COL5A2: variants seen among roughly 807,000 people sequenced by gnomAD.
The protein encoded by COL5A2 is collagen alpha-2(V) chain.
COL5A2 carries 23 observed loss-of-function variants against 208.2 expected under a neutral mutation model. That is an observed-to-expected ratio of 0.11 (90% confidence interval 0.08 to 0.16). The LOEUF (loss-of-function observed/expected upper bound fraction) is 0.16. COL5A2 is among the 10% of genes least tolerant of loss of function. The probability of loss-of-function intolerance (pLI) is 1.00; values close to 1 mark genes in which losing one functional copy is unlikely to be tolerated. For missense variants in COL5A2, 1,590 were observed against 1,956.4 expected, an observed-to-expected ratio of 0.81 and a Z score of 3.53; for synonymous variants, 625 against 628.5, an observed-to-expected ratio of 0.99 and a Z score of 0.08.
chr2:189,199,194 G>A (rs1452071486), intron 1 of COL5A2, among the ~76,000 whole-genome samples: 3 of 152,184 alleles, frequency 2.0e-5, no homozygotes, highest in South Asian at 4.1e-4. Flanking sequence ...GTCAGTATAT[G>A]ATCAAAAAGC....
At chr2:189,231,606 C>A in the COL5A2 span, among the ~76,000 whole-genome samples, 1 of 151,556 alleles carries the variant, frequency 6.6e-6, no homozygotes, top group East Asian at 1.9e-4. Flanking sequence ...GCTTGAGTAT[C>A]TTTTTTGTCT....
the COL5A2 span, among the ~76,000 whole-genome samples, chr2:189,379,253 T>A: frequency 6.6e-6 from 1 of 151,966 alleles, no homozygotes; most frequent in Non-Finnish European, 1.5e-5. Flanking sequence ...ACTTTTGATT[T>A]AAAAAAAATG....
chr2:189,252,984 G>C, the COL5A2 span, among the ~76,000 whole-genome samples: 1 of 152,150 alleles, frequency 6.6e-6, no homozygotes, highest in Non-Finnish European at 1.5e-5. Context: ...TGTTCATAAA[G>C]ACAACTGAAC....
chr2:189,174,108 C>T (rs919664441), intron 1 of COL5A2, among the ~76,000 whole-genome samples: 10 of 152,204 alleles, frequency 6.6e-5, no homozygotes, highest in East Asian at 1.9e-4. Context: ...TAGATTAACA[C>T]GATTCCAATC....
chr2:189,036,623 C>T lies in COL5A2; in HGVS notation c.4106G>A (p.Gly1369Glu), dbSNP rs759631023. Residue 1369 changes from glycine (G) to glutamate (E), a missense_variant, in exon 52 of 54, where the codon GGG (glycine) becomes GAG (glutamate). Coordinates refer to ENST00000374866, the MANE Select transcript of COL5A2 (RefSeq NM_000393.5). ...PVWYGLDMNR[G>E]SQFAYGDHQS... ...GTAAACATATTAAATTACCTGAGAC[C>T]CTCTGTTCATATCAAGACCATACCA... 4 of 1,611,398 alleles carry T rather than the reference C, an allele frequency of 2.5e-6. No homozygotes were observed. The highest frequency in any genetic ancestry group is 3.4e-6 in the Non-Finnish European group (4 of 1,177,958).
At chr2:189,043,089 G>T in intron 48 of COL5A2, 62 bp downstream of exon 48, 1 of 1,166,726 alleles carries the variant, frequency 8.6e-7, no homozygotes, top group Non-Finnish European at 1.3e-6. Context: ...ATAAATGTTC[G>T]TGTCAAGATA....
At chr2:189,229,927 A>T (rs1689460154), upstream of COL5A2, among the ~76,000 whole-genome samples, 1 of 151,842 alleles carries the variant, frequency 6.6e-6, no homozygotes, top group African/African-American at 2.4e-5. Flanking sequence ...TTTAAAACAA[A>T]TCGGCTGTAT....
chr2:189,321,372 A>T, the COL5A2 span, among the ~76,000 whole-genome samples: 2 of 152,252 alleles, frequency 1.3e-5, no homozygotes, highest in Non-Finnish European at 2.9e-5. Context: ...ACAGACTGGA[A>T]AATTGGATAA....
chr2:189,329,801 A>T, the COL5A2 span, among the ~76,000 whole-genome samples: 1 of 152,166 alleles, frequency 6.6e-6, no homozygotes, highest in African/African-American at 2.4e-5. Flanking sequence ...CAAACAAAAA[A>T]CTTCAAAAGT....
chr2:189,166,127 A>G (rs1559133345), intron 1 of COL5A2, among the ~76,000 whole-genome samples: 1 of 152,090 alleles, frequency 6.6e-6, no homozygotes, highest in African/African-American at 2.4e-5. Context: ...GGAGCCTTAC[A>G]TTTTAGGCAT....
chr2:189,326,096 C>CA, the COL5A2 span, among the ~76,000 whole-genome samples: 194 of 96,786 alleles, frequency 2.0e-3, 2 homozygotes, highest in African/African-American at 6.4e-3. Flanking sequence ...GACCCTGTCT[C>CA]AAAAAAAAAA....
the COL5A2 span, among the ~76,000 whole-genome samples, chr2:189,289,220 T>C: frequency 1.3e-5 from 2 of 151,790 alleles, no homozygotes; most frequent in Non-Finnish European, 2.9e-5. Context: ...CGTACACCTG[T>C]AATCCCAGCT....
intron 1 of COL5A2, among the ~76,000 whole-genome samples, chr2:189,206,878 T>A (rs2105863236): frequency 6.6e-6 from 1 of 152,354 alleles, no homozygotes; most frequent in South Asian, 2.1e-4. Context: ...AACTGAATTT[T>A]GAGCAGTGAT....
At chr2:189,330,489 A>G in the COL5A2 span, among the ~76,000 whole-genome samples, 1 of 152,188 alleles carries the variant, frequency 6.6e-6, no homozygotes, top group Non-Finnish European at 1.5e-5. Context: ...AATAATATAT[A>G]TCTATCTTCT....
At chr2:189,252,907 G>C in the COL5A2 span, among the ~76,000 whole-genome samples, 1 of 152,180 alleles carries the variant, frequency 6.6e-6, no homozygotes, top group African/African-American at 2.4e-5. Flanking sequence ...TGATGGGACT[G>C]TGAAGGAAAA....
At chr2:189,320,362 G>A in the COL5A2 span, among the ~76,000 whole-genome samples, 10 of 151,924 alleles carry the variant, frequency 6.6e-5, no homozygotes, top group Middle Eastern at 3.4e-3. Context: ...ACGATCAAAC[G>A]TCTCCGAGCT....
intron 1 of COL5A2, among the ~76,000 whole-genome samples, chr2:189,142,569 T>G (rs1359088690): frequency 6.6e-6 from 1 of 152,166 alleles, no homozygotes; most frequent in Non-Finnish European, 1.5e-5. Flanking sequence ...AAATGCTTAT[T>G]ATCTTATGCC....
chr2:189,188,944 T>C (rs1310310438), intron 1 of COL5A2, among the ~76,000 whole-genome samples: 2 of 152,210 alleles, frequency 1.3e-5, no homozygotes, highest in Non-Finnish European at 2.9e-5. Flanking sequence ...AAGACTTCTG[T>C]GTATTGGAGA....
chr2:189,342,298 C>CTA, the COL5A2 span, among the ~76,000 whole-genome samples: 66 of 148,244 alleles, frequency 4.5e-4, 1 homozygote, highest in African/African-American at 1.5e-3. Flanking sequence ...AAAATGACTA[C>CTA]TATATATATA....
Sources: gnomAD v4.1 joint callset for allele counts (sites outside exome capture counted in the v4.1 genomes callset) on GRCh38, gnomAD v4.1.1 for gene constraint, MANE v1.5 for transcripts, NCBI Gene and HGNC (gene_info 2026-07-23, HGNC 2026-07-21) for gene names.